HMBOX1: variants seen among roughly 807,000 people sequenced by gnomAD.
The protein encoded by HMBOX1 is homeobox containing 1.
A neutral mutation model predicts 54.5 loss-of-function variants in HMBOX1; 14 were observed. The observed-to-expected ratio is 0.26, with a 90% CI of 0.17 to 0.40. The LOEUF is 0.40. Ranked by LOEUF, HMBOX1 falls within the 10% of genes least tolerant of loss-of-function variation. The probability of loss-of-function intolerance (pLI) is 1.00; values close to 1 mark genes in which losing one functional copy is unlikely to be tolerated. For missense variants in HMBOX1, 332 were observed against 514.4 expected, an observed-to-expected ratio of 0.65 and a Z score of 3.43; for synonymous variants, 160 against 181.0, an observed-to-expected ratio of 0.88 and a Z score of 0.93.
chr8:29,043,727 C>G (rs760937592), intron 6 of HMBOX1, among the ~76,000 whole-genome samples: 1 of 152,106 alleles, frequency 6.6e-6, no homozygotes, highest in Non-Finnish European at 1.5e-5. Flanking sequence ...CTAACTGGCT[C>G]CTAGGTGACA....
chr8:28,980,830 G>A (rs374736637), intron 4 of HMBOX1, among the ~76,000 whole-genome samples: 2 of 152,076 alleles, frequency 1.3e-5, no homozygotes, highest in South Asian at 4.1e-4. Flanking sequence ...CTTAAAAAAA[G>A]TAACTGGGCA....
intron 5 of HMBOX1, among the ~76,000 whole-genome samples, chr8:29,012,834 G>T (rs1834386726): frequency 6.6e-6 from 1 of 152,190 alleles, no homozygotes; most frequent in Non-Finnish European, 1.5e-5. Context: ...ATACAGTCCA[G>T]ACCTGCTTTT....
chr8:28,923,738 G>T (rs1044513125), intron 1 of HMBOX1, among the ~76,000 whole-genome samples: 2 of 152,132 alleles, frequency 1.3e-5, no homozygotes, highest in African/African-American at 4.8e-5. Context: ...ATATACAAGG[G>T]TACCACTTTT....
intron 4 of HMBOX1, among the ~76,000 whole-genome samples, chr8:28,986,804 T>G (rs2132546232): frequency 6.6e-6 from 1 of 152,312 alleles, no homozygotes; most frequent in South Asian, 2.1e-4. Flanking sequence ...TTCTATCTTA[T>G]TCTTTAATTT....
rs572985474 is a variant in HMBOX1, at chr8:29,010,101, C to T, written c.697+919C>T. 86 of 979,916 alleles carry T rather than the reference C, an allele frequency of 8.8e-5. No individual in the cohort carries two copies. The African/African-American group carries it at 1.3e-3, about 14-fold the overall frequency. The allele number at this position is 979,916 out of a possible 1,614,324, so 60.7% of individuals were successfully genotyped here. A position where few individuals can be genotyped will look rare whatever the true frequency, so the allele number is the denominator to read the frequency against. The stretch of plus-strand genomic sequence containing the variant: ...TTCCCTAAAGGTCAGTTTCTCAATC[C>T]GAATGGTCCAGGCAGGATGAAACAG... On this transcript the variant is annotated intron_variant, in intron 5 of 9. Transcript: ENST00000287701.
intron 1 of HMBOX1, among the ~76,000 whole-genome samples, chr8:28,904,971 G>A (rs1305998022): frequency 1.3e-5 from 2 of 151,930 alleles, no homozygotes; most frequent in East Asian, 1.9e-4. Flanking sequence ...TACTGCGCCC[G>A]GCCTCTTCAC....
intron 1 of HMBOX1, among the ~76,000 whole-genome samples, chr8:28,906,440 G>A (rs955893249): frequency 3.3e-5 from 5 of 152,080 alleles, no homozygotes; most frequent in Non-Finnish European, 7.4e-5. Flanking sequence ...AAGTTATTTT[G>A]TGTATTTGTG....
chr8:29,046,946 C>T (rs1251070496), intron 7 of HMBOX1, among the ~76,000 whole-genome samples: 1 of 152,198 alleles, frequency 6.6e-6, no homozygotes, highest in Non-Finnish European at 1.5e-5. Flanking sequence ...TGCACCACCG[C>T]ATTCCAGCCT....
At position 29,047,176 on chromosome 8, in the gene HMBOX1, TATTCATTCAGTA is replaced by T. The variant is rs531721905; in HGVS notation, c.935-178_935-167del. ...TTGTTTTTGTATTCATTTACATATT[TATTCATTCAGTA>T]ATTGGGGTGTGTACATGGTACCAGG... On this transcript the variant is annotated intron_variant, in intron 7 of 9. Coordinates refer to ENST00000287701, the MANE Select transcript of HMBOX1 (RefSeq NM_001135726.3). Among the ~76,000 whole-genome samples, 20 of 152,330 alleles carry T rather than the reference TATTCATTCAGTA, an allele frequency of 1.3e-4. No individual in the cohort carries two copies. The East Asian group carries it at 3.7e-3, about 28-fold the overall frequency.
At chr8:29,050,976 C>T (rs767659966) in intron 9 of HMBOX1, 42 bp from the exon 10 acceptor site, 2 of 1,591,322 alleles carry the variant, frequency 1.3e-6, no homozygotes, top group Non-Finnish European at 1.7e-6. Context: ...CTAAAGAATT[C>T]TTCCAATCCA....
chr8:28,909,183 GT>G (rs1167048184), intron 1 of HMBOX1, among the ~76,000 whole-genome samples: 1 of 151,994 alleles, frequency 6.6e-6, no homozygotes, highest in East Asian at 1.9e-4. Flanking sequence ...TTAAAGGTTA[GT>G]TTGACAAGAT....
chr8:28,918,681 G>A (rs956862649), intron 1 of HMBOX1, among the ~76,000 whole-genome samples: 21 of 152,156 alleles, frequency 1.4e-4, no homozygotes, highest in Admixed American at 9.2e-4. Context: ...TGTTTGTGCT[G>A]TATTTGAGTT....
At chr8:28,963,362 G>T (rs1007480241) in intron 1 of HMBOX1, among the ~76,000 whole-genome samples, 1 of 152,094 alleles carries the variant, frequency 6.6e-6, no homozygotes, top group African/African-American at 2.4e-5. Context: ...AATATGAAAG[G>T]TTTCTAACTT....
chr8:29,010,364 C>G (rs1015920721), intron 5 of HMBOX1, among the ~76,000 whole-genome samples: 3 of 152,262 alleles, frequency 2.0e-5, no homozygotes, highest in Middle Eastern at 3.4e-3. Flanking sequence ...CAAGACCAGC[C>G]TGGCCAACAT....
At chr8:28,974,655 T>G (rs149691295) in intron 3 of HMBOX1, among the ~76,000 whole-genome samples, 7 of 152,320 alleles carry the variant, frequency 4.6e-5, no homozygotes, top group Non-Finnish European at 7.4e-5. Context: ...TGATCTCCAG[T>G]TACTATGTTA....
chr8:29,018,973 A>T lies in HMBOX1; in HGVS notation c.851+60A>T. 2.0e-6 allele frequency: 3 copies of T among 1,505,598 alleles called. No homozygotes were observed. In the South Asian group the frequency reaches 3.4e-5, roughly 17 times the overall value. The allele number at this position is 1,505,598 out of a possible 1,614,324, so 93.3% of individuals were successfully genotyped here. A position where few individuals can be genotyped will look rare whatever the true frequency, so the allele number is the denominator to read the frequency against. On this transcript the variant is annotated intron_variant, in intron 6 of 9. Coordinates refer to ENST00000287701, the MANE Select transcript of HMBOX1 (RefSeq NM_001135726.3). ...AACTTAGGGAAGACATCAACTCTGG[A>T]TAGACTGGGACAGTTTTCATTTCAA...
chr8:28,994,338 A>G (rs1346307404), intron 4 of HMBOX1, among the ~76,000 whole-genome samples: 1 of 152,192 alleles, frequency 6.6e-6, no homozygotes, highest in African/African-American at 2.4e-5. Context: ...CTTGGAGATG[A>G]GCAAATTTAG....
intron 1 of HMBOX1, among the ~76,000 whole-genome samples, chr8:28,957,567 T>C (rs1476051181): frequency 5.8e-5 from 2 of 34,698 alleles, no homozygotes; most frequent in African/African-American, 2.0e-4. Context: ...AAAATAAAAG[T>C]TGAAAAACAA....
chr8:29,035,738 C>T (rs912735378), intron 6 of HMBOX1, among the ~76,000 whole-genome samples: 9 of 152,172 alleles, frequency 5.9e-5, no homozygotes, highest in African/African-American at 1.9e-4. Context: ...TCTTTTTCTT[C>T]ATTATTTAAA....
Sources: allele counts gnomAD v4.1 joint callset (sites outside exome capture counted in the v4.1 genomes callset), GRCh38; gene constraint gnomAD v4.1.1; transcripts MANE v1.5; gene names NCBI Gene and HGNC (gene_info 2026-07-23, HGNC 2026-07-21).